Variants in YEATS2 observed in about 807,000 individuals in gnomAD.
YEATS2 encodes the protein YEATS domain containing 2.
Under a neutral mutation model 163.2 loss-of-function variants are expected in YEATS2, and 77 were observed. The ratio of observed to expected loss-of-function variants is 0.47; its 90% CI spans 0.39 to 0.57. The LOEUF (loss-of-function observed/expected upper bound fraction) is 0.57, where lower values mean the gene tolerates loss of function less well. Among genes scored for constraint, YEATS2 ranks in the 20% least tolerant of loss-of-function variants. The pLI is 0.00. For missense variants in YEATS2, 1,549 were observed against 1,729.8 expected, an observed-to-expected ratio of 0.90 and a Z score of 1.85; for synonymous variants, 631 against 645.1, an observed-to-expected ratio of 0.98 and a Z score of 0.33.
At chr3:183,717,836 C>A in intron 3 of YEATS2, 88 bp downstream of exon 3, 8 of 643,338 alleles carry the variant, frequency 1.2e-5, no homozygotes, top group Non-Finnish European at 1.8e-5. Flanking sequence ...GATGGAGTCA[C>A]AGTTTGCTTT....
rs964369868 is a variant in YEATS2, at chr3:183,720,390, A to G, written c.292-1501A>G. 2.0e-5 allele frequency among the ~76,000 whole-genome samples: 3 copies of G among 151,662 alleles called. No individual in the cohort carries two copies. In the South Asian group the frequency reaches 6.3e-4, roughly 32 times the overall value. ...ATAACTTTCGTTTTTTTCTCTTTTT[A>G]CTTTCTTTTTCCTAAGTGTTTTCAG... On this transcript the variant is annotated intron_variant, in intron 4 of 30. Coordinates refer to ENST00000305135, the MANE Select transcript of YEATS2 (RefSeq NM_018023.5).
chr3:183,798,182 A>T, intron 22 of YEATS2, 131 bp downstream of exon 22: 1 of 1,355,806 alleles, frequency 7.4e-7, no homozygotes. Context: ...GCCTGTGTAC[A>T]GCCACCCTTC....
At chr3:183,788,786 C>CACAT (rs1443771316) in intron 20 of YEATS2, among the ~76,000 whole-genome samples, 4 of 152,230 alleles carry the variant, frequency 2.6e-5, no homozygotes, top group Non-Finnish European at 5.9e-5. Flanking sequence ...GTTCCCTCTT[C>CACAT]ACATCCTCGC....
intron 29 of YEATS2, chr3:183,808,313 T>G: frequency 5.4e-6 from 3 of 560,704 alleles, no homozygotes; most frequent in South Asian, 4.4e-5. Context: ...TCATGTGGTT[T>G]CAGGTGCCTC....
At chr3:183,754,571 TAAATG>T (rs1470067505) in intron 11 of YEATS2, among the ~76,000 whole-genome samples, 1 of 152,198 alleles carries the variant, frequency 6.6e-6, no homozygotes, top group Non-Finnish European at 1.5e-5. Flanking sequence ...ATGGAGGAGA[TAAATG>T]AAACTCAAAT....
At chr3:183,793,187 C>T (rs550902486) in intron 21 of YEATS2, 2 of 1,285,998 alleles carry the variant, frequency 1.6e-6, no homozygotes, top group Admixed American at 4.7e-5. Context: ...TACACACACA[C>T]ACTCACGCAT....
chr3:183,786,602 G>T (rs908758627), intron 20 of YEATS2, among the ~76,000 whole-genome samples: 1 of 152,082 alleles, frequency 6.6e-6, no homozygotes, highest in Non-Finnish European at 1.5e-5. Context: ...TTCTGTTCTA[G>T]GCGACCGCTG....
At chr3:183,755,987 C>T (rs2109313546) in intron 11 of YEATS2, among the ~76,000 whole-genome samples, 1 of 152,140 alleles carries the variant, frequency 6.6e-6, no homozygotes, top group East Asian at 1.9e-4. Context: ...CTCAGGTGAT[C>T]CGCCTGCCTC....
chr3:183,803,216 A>C, intron 25 of YEATS2, 40 bp from the exon 26 acceptor site: 1 of 1,601,812 alleles, frequency 6.2e-7, no homozygotes, highest in Non-Finnish European at 8.5e-7. Flanking sequence ...TTGGAATCGT[A>C]AGAGCTTTAT....
At chr3:183,797,494 A>G (rs572118506) in intron 21 of YEATS2, among the ~76,000 whole-genome samples, 28 of 152,008 alleles carry the variant, frequency 1.8e-4, no homozygotes, top group African/African-American at 6.5e-4. Flanking sequence ...ACAATGAGCT[A>G]TGATTGTACC....
At chr3:183,742,734 G>C (rs905804673) in intron 8 of YEATS2, among the ~76,000 whole-genome samples, 68 of 152,314 alleles carry the variant, frequency 4.5e-4, no homozygotes, top group African/African-American at 1.6e-3. Context: ...CTCCAATTTT[G>C]AAAGAACTTC....
intron 1 of YEATS2, among the ~76,000 whole-genome samples, chr3:183,699,077 A>G (rs184759171): frequency 6.6e-6 from 1 of 152,200 alleles, no homozygotes; most frequent in Non-Finnish European, 1.5e-5. Context: ...CTACGAGGTC[A>G]GTTACTGTGC....
chr3:183,782,675 C>T (rs1453072749), intron 19 of YEATS2, among the ~76,000 whole-genome samples: 9 of 152,198 alleles, frequency 5.9e-5, no homozygotes, highest in Non-Finnish European at 2.9e-5. Flanking sequence ...CTGCCTGCCT[C>T]GGCTTCCCAA....
chr3:183,806,795 G>C, intron 27 of YEATS2, 71 bp from the exon 28 acceptor site: 3 of 1,526,496 alleles, frequency 2.0e-6, no homozygotes, highest in Non-Finnish European at 1.8e-6. Context: ...CAGACCATGG[G>C]TCTCTTGGAG....
chr3:183,712,881 C>T (rs1715420660), intron 1 of YEATS2, among the ~76,000 whole-genome samples: 1 of 152,030 alleles, frequency 6.6e-6, no homozygotes, highest in African/African-American at 2.4e-5. Context: ...CTGCCTTAGC[C>T]TCACAAGTAG....
chr3:183,718,447 ATC>A (rs1577050930), intron 3 of YEATS2, 51 bp from the exon 4 acceptor site: 1 of 1,374,804 alleles, frequency 7.3e-7, no homozygotes, highest in East Asian at 2.4e-5. Flanking sequence ...TTGTTTGTAC[ATC>A]TCTTTTATAA....
In YEATS2 at chr3:183,772,350, C is replaced by G; in HGVS notation, c.1993C>G (p.Gln665Glu). 6.2e-7 allele frequency: 1 copy of G among 1,614,166 alleles called. No individual in the cohort carries two copies. The highest frequency in any genetic ancestry group is 8.5e-7 in the Non-Finnish European group (1 of 1,180,036). ...VGSALPSTVK[Q>E]AVAISGGQIL... ...GTCTGCTTTACCTTCAACAGTGAAG[C>G]AGGCTGTGGCGATCAGTGGTGGCCA... The change falls in exon 16 of 31, where the codon CAG becomes GAG. Residue 665 changes from glutamine to glutamate, a missense_variant. Physicochemically the swap from Gln to Glu is conservative, Grantham distance 29. Coordinates refer to ENST00000305135, the MANE Select transcript of YEATS2 (RefSeq NM_018023.5).
intron 27 of YEATS2, chr3:183,806,238 C>T (rs1171949303): frequency 2.2e-6 from 1 of 453,748 alleles, no homozygotes; most frequent in Admixed American, 2.4e-5. Flanking sequence ...GCCATCATAA[C>T]TTGAGGAGCA....
chr3:183,728,324 T>C (rs909884420), intron 6 of YEATS2, among the ~76,000 whole-genome samples: 1 of 152,210 alleles, frequency 6.6e-6, no homozygotes, highest in Non-Finnish European at 1.5e-5. Flanking sequence ...TTCTATCCAA[T>C]TGTTACCACA....
Sources: allele counts gnomAD v4.1 joint callset (sites outside exome capture counted in the v4.1 genomes callset), GRCh38; gene constraint gnomAD v4.1.1; transcripts MANE v1.5; gene names NCBI Gene and HGNC (gene_info 2026-07-23, HGNC 2026-07-21).